The following TSPAN8 variants were observed in gnomAD, a reference collection of about 807,000 sequenced individuals.
The protein encoded by TSPAN8 is tetraspanin-8.
In TSPAN8, 21 loss-of-function variants were observed where a neutral mutation model predicts 32.8. The observed-to-expected ratio is 0.64, with a 90% CI of 0.45 to 0.92. TSPAN8 has a LOEUF of 0.92. TSPAN8 is among the 40% of genes least tolerant of loss of function. TSPAN8 has a pLI of 0.00. For synonymous variants in TSPAN8, 95 were observed against 94.6 expected (o/e 1.00, Z -0.03); for missense variants, 269 against 281.9 (o/e 0.95, Z 0.33).
intron 7 of TSPAN8, among the ~76,000 whole-genome samples, chr12:71,130,916 A>C (rs111960506): frequency 1.1e-4 from 17 of 152,240 alleles, no homozygotes; most frequent in Non-Finnish European, 1.2e-4. Flanking sequence ...CACATGGCAG[A>C]TGGAAGTATT....
chr12:71,157,392 T>C, intron 2 of TSPAN8: 3 of 448,642 alleles, frequency 6.7e-6, no homozygotes, highest in Non-Finnish European at 1.2e-5. Flanking sequence ...TGAAAACATT[T>C]ATGAAATGTT....
chr12:71,130,338 A>G (rs1871481683), intron 7 of TSPAN8, among the ~76,000 whole-genome samples: 1 of 152,208 alleles, frequency 6.6e-6, no homozygotes, highest in South Asian at 2.1e-4. Flanking sequence ...GTCTACCACT[A>G]TGCCATTACT....
intron 6 of TSPAN8, among the ~76,000 whole-genome samples, chr12:71,136,984 A>G (rs953898901): frequency 6.6e-6 from 1 of 152,166 alleles, no homozygotes; most frequent in Non-Finnish European, 1.5e-5. Context: ...GAAAGAAAAA[A>G]AGAGAGGTGG....
chr12:71,126,848 T>A (rs1413846628), intron 8 of TSPAN8, among the ~76,000 whole-genome samples: 1 of 151,984 alleles, frequency 6.6e-6, no homozygotes, highest in Non-Finnish European at 1.5e-5. Flanking sequence ...AGTATGATAG[T>A]CTGGCTGTTT....
intron 2 of TSPAN8, among the ~76,000 whole-genome samples, chr12:71,147,728 G>GT (rs899610909): frequency 2.3e-4 from 35 of 152,196 alleles, no homozygotes; most frequent in African/African-American, 7.2e-4. Flanking sequence ...TTACTTGTGA[G>GT]TTTTTTTGCA....
At chr12:71,131,580 T>C (rs1417081331) in intron 7 of TSPAN8, among the ~76,000 whole-genome samples, 1 of 151,460 alleles carries the variant, frequency 6.6e-6, no homozygotes, top group African/African-American at 2.4e-5. Context: ...TTGTGATTTA[T>C]AGTGGTTTTT....
intron 2 of TSPAN8, among the ~76,000 whole-genome samples, chr12:71,156,133 G>C (rs1872420752): frequency 6.6e-6 from 1 of 151,762 alleles, no homozygotes; most frequent in South Asian, 2.1e-4. Context: ...AATATGGGGT[G>C]GGGGAAGTGA....
At chr12:71,129,526 T>C (rs1370405958) in intron 7 of TSPAN8, 112 bp from the exon 8 acceptor site, 31 of 1,166,682 alleles carry the variant, frequency 2.7e-5, no homozygotes, top group Non-Finnish European at 3.4e-5. Flanking sequence ...AGAAACACAC[T>C]TAACGACAAG....
At chr12:71,136,808 C>T (rs1254219334) in intron 6 of TSPAN8, among the ~76,000 whole-genome samples, 1 of 152,156 alleles carries the variant, frequency 6.6e-6, no homozygotes, top group Non-Finnish European at 1.5e-5. Context: ...CTCCCTAAAA[C>T]CCAATATCCT....
chr12:71,147,373 C>T (rs1254363627), intron 2 of TSPAN8, among the ~76,000 whole-genome samples: 1 of 152,096 alleles, frequency 6.6e-6, no homozygotes, highest in Non-Finnish European at 1.5e-5. Context: ...GCTGAAAATG[C>T]TGTGTTAGGA....
At chr12:71,135,369 AAGGAGG>A (rs200204805) in intron 6 of TSPAN8, among the ~76,000 whole-genome samples, 5 of 130,954 alleles carry the variant, frequency 3.8e-5, no homozygotes, top group East Asian at 2.4e-4. Context: ...GAAGAAGAAG[AAGGAGG>A]AGGAGGAGGA....
intron 8 of TSPAN8, among the ~76,000 whole-genome samples, chr12:71,126,288 G>T (rs1013859887): frequency 2.6e-5 from 4 of 152,266 alleles, no homozygotes; most frequent in Admixed American, 1.3e-4. Context: ...TCTTAAAAAG[G>T]TTGACACCAA....
chr12:71,151,108 G>A (rs1872240036), intron 2 of TSPAN8, among the ~76,000 whole-genome samples: 1 of 149,274 alleles, frequency 6.7e-6, no homozygotes, highest in African/African-American at 2.5e-5. Flanking sequence ...CTATCACCCA[G>A]GCTGGAGTGC....
rs201643383 is a variant in TSPAN8 at position 71,157,769 on chromosome 12, G to A, written c.-91C>T. Reference sequence around the variant, plus strand: ...TATGCTCTGGAGCAACTTGCCTGCAGAGATTTCTGTATCCACGGCTTCAGA... The same window carrying A: ...TATGCTCTGGAGCAACTTGCCTGCAAAGATTTCTGTATCCACGGCTTCAGA... On this transcript the variant is annotated 5_prime_UTR_variant, in exon 2 of 9. Coordinates refer to ENST00000247829, the MANE Select transcript of TSPAN8 (RefSeq NM_004616.3). 9.0e-5 allele frequency: 86 copies of A among 952,892 alleles called. No homozygotes were observed. The East Asian group carries it at 1.9e-3, about 21-fold the overall frequency. 59.0% of individuals were successfully genotyped at this position (952,892 alleles called of 1,614,324 possible).
intron 2 of TSPAN8, among the ~76,000 whole-genome samples, chr12:71,156,591 CTAT>C (rs1872452158): frequency 6.6e-6 from 1 of 152,060 alleles, no homozygotes; most frequent in Non-Finnish European, 1.5e-5. Context: ...GAAAATCAGT[CTAT>C]ACAATAAAGC....
chr12:71,150,897 C>A (rs1476488455), intron 2 of TSPAN8, among the ~76,000 whole-genome samples: 1 of 152,088 alleles, frequency 6.6e-6, no homozygotes, highest in Non-Finnish European at 1.5e-5. Context: ...CATCTTCCAC[C>A]ATGATTGTGA....
At chr12:71,129,305 G>A in intron 8 of TSPAN8, 26 bp downstream of exon 8, 8 of 1,506,320 alleles carry the variant, frequency 5.3e-6, no homozygotes, top group Non-Finnish European at 7.1e-6. Context: ...GAATAAAAGA[G>A]TCAATAATAC....
At chr12:71,138,551 T>C (rs1871789064) in intron 4 of TSPAN8, among the ~76,000 whole-genome samples, 1 of 152,218 alleles carries the variant, frequency 6.6e-6, no homozygotes, top group Non-Finnish European at 1.5e-5. Context: ...ACTCCTTCCC[T>C]TTCTTCATCA....
rs111319564 is a variant in TSPAN8, at chr12:71,144,052, T to C, written c.123+99A>G. 2,848 of 1,030,912 alleles carry C rather than the reference T, an allele frequency of 2.8e-3. 58 individuals carry two copies. In the African/African-American group the frequency reaches 0.042, roughly 15 times the overall value. The allele number at this position is 1,030,912 out of a possible 1,614,324, so 63.9% of individuals were successfully genotyped here. ...GATTACATGAAGCAGTTAAGAAAAA[T>C]GTTTTAGACATGTTTATTACTATTA... On this transcript the variant is annotated intron_variant, in intron 3 of 8. Transcript: ENST00000247829.
Sources: gnomAD v4.1 joint callset for allele counts (sites outside exome capture counted in the v4.1 genomes callset) on GRCh38, gnomAD v4.1.1 for gene constraint, MANE v1.5 for transcripts, NCBI Gene and HGNC (gene_info 2026-07-23, HGNC 2026-07-21) for gene names.